Variants in ZNF37A observed in about 807,000 individuals in gnomAD.
The protein encoded by ZNF37A is zinc finger protein 37A.
ZNF37A carries 10 observed loss-of-function variants against 12.3 expected under a neutral mutation model. The observed-to-expected ratio is 0.82, with a 90% CI of 0.50 to 1.38. ZNF37A has a LOEUF of 1.38. ZNF37A is among the 40% of genes most tolerant of loss of function. The probability of loss-of-function intolerance (pLI) is 0.00; values close to 1 mark genes in which losing one functional copy is unlikely to be tolerated. For synonymous variants in ZNF37A, 207 were observed against 223.0 expected (o/e 0.93, Z 0.64); for missense variants, 580 against 651.2 (o/e 0.89, Z 1.19).
chr10:38,101,774 G>A (rs77311986), intron 5 of ZNF37A, among the ~76,000 whole-genome samples: 6,359 of 149,936 alleles, frequency 0.042, 189 homozygotes, highest in Non-Finnish European at 0.061. Context: ...TATATAGTTG[G>A]ATCATATATT....
chr10:38,096,467 G>A lies in ZNF37A; in HGVS notation c.-44-107G>A. 3 of 713,474 alleles carry A rather than the reference G, an allele frequency of 4.2e-6. No homozygotes were observed. In the South Asian group the frequency reaches 5.7e-5, roughly 14 times the overall value. The allele number at this position is 713,474 out of a possible 1,614,324, so 44.2% of individuals were successfully genotyped here. Reference sequence around the variant, plus strand: ...CCAAGCAGTACATAATCATGCCAGAGTCATGCATGGGCGTGTGAGTATCTC... The same window carrying A: ...CCAAGCAGTACATAATCATGCCAGAATCATGCATGGGCGTGTGAGTATCTC... On this transcript the variant is annotated intron_variant, in intron 4 of 7. Coordinates refer to ENST00000685332, the MANE Select transcript of ZNF37A (RefSeq NM_001324250.3).
chr10:38,131,874 A>G (rs1450663911), intron 7 of ZNF37A, among the ~76,000 whole-genome samples: 5 of 152,104 alleles, frequency 3.3e-5, no homozygotes, highest in South Asian at 2.1e-4. Context: ...ATTGCAAAGT[A>G]TTTAATTCTT....
At position 38,095,811 on chromosome 10, in the gene ZNF37A, A is replaced by C. The variant is rs1331198709; in HGVS notation, c.-45+7A>C. 6.6e-6 allele frequency: 1 copy of C among 152,162 alleles called. No individual in the cohort carries two copies. Among genetic ancestry groups the C allele is most frequent in the Non-Finnish European group, 1.5e-5 (1 of 68,040 alleles). 9.4% of individuals were successfully genotyped at this position (152,162 alleles called of 1,614,324 possible). On this transcript the variant is annotated splice_region_variant and intron_variant, in intron 4 of 7. Coordinates refer to ENST00000685332, the MANE Select transcript of ZNF37A (RefSeq NM_001324250.3). ...TTGCTGCGTTGACAACAGAGTAAGT[A>C]AAAATCAGTTTGCTTTTTTAAATCC... is the stretch of plus-strand genomic sequence containing the variant.
At chr10:38,108,665 C>T (rs2068356235) in intron 5 of ZNF37A, among the ~76,000 whole-genome samples, 1 of 152,016 alleles carries the variant, frequency 6.6e-6, no homozygotes, top group African/African-American at 2.4e-5. Context: ...ACCACTGATC[C>T]CACAGAAATA....
At chr10:38,109,654 C>T (rs919153297) in intron 5 of ZNF37A, among the ~76,000 whole-genome samples, 1 of 152,200 alleles carries the variant, frequency 6.6e-6, no homozygotes, top group African/African-American at 2.4e-5. Flanking sequence ...CCTCAGGATA[C>T]AAAATCAACG....
chr10:38,120,032 T>C lies in ZNF37A; in HGVS notation c.*1195T>C, dbSNP rs1454124151. ...AGGACATTCTGCTGTGAGTGACTTA[T>C]TGTACCCAACTCTATTTCTCTCCAT... On this transcript the variant is annotated 3_prime_UTR_variant, in exon 8 of 8. Transcript: ENST00000685332. 1 of 152,256 alleles carries C rather than the reference T, an allele frequency of 6.6e-6. No individual in the cohort carries two copies. The highest frequency in any genetic ancestry group is 2.1e-4 in the South Asian group (1 of 4,834). 9.4% of individuals were successfully genotyped at this position (152,256 alleles called of 1,614,324 possible).
intron 7 of ZNF37A, chr10:38,139,027 G>C (rs1471633990): frequency 1.3e-5 from 2 of 152,180 alleles, no homozygotes; most frequent in African/African-American, 4.8e-5. Flanking sequence ...TGCAGAGGAA[G>C]AGCTACAGGC....
chr10:38,148,046 T>TG (rs2070276621), exon 8 of ZNF37A: 1 of 152,194 alleles, frequency 6.6e-6, no homozygotes, highest in South Asian at 2.1e-4. Context: ...ATCAAGGAGA[T>TG]GCATGCCTGG....
At chr10:38,103,124 T>G (rs2067728639) in intron 5 of ZNF37A, among the ~76,000 whole-genome samples, 1 of 152,150 alleles carries the variant, frequency 6.6e-6, no homozygotes, top group Non-Finnish European at 1.5e-5. Flanking sequence ...TTCAGATATT[T>G]TTTGGTTCCC....
At chr10:38,104,177 C>G (rs187926883) in intron 5 of ZNF37A, among the ~76,000 whole-genome samples, 1 of 152,256 alleles carries the variant, frequency 6.6e-6, no homozygotes, top group Non-Finnish European at 1.5e-5. Flanking sequence ...TCTCATCTGG[C>G]TACTGTGGCC....
intron 7 of ZNF37A, among the ~76,000 whole-genome samples, chr10:38,132,631 C>T (rs2070044163): frequency 6.6e-6 from 1 of 152,030 alleles, no homozygotes; most frequent in East Asian, 1.9e-4. Context: ...GATGATCTTG[C>T]CCTGCTGTAG....
intron 5 of ZNF37A, among the ~76,000 whole-genome samples, chr10:38,111,315 C>G (rs1259509720): frequency 6.6e-6 from 1 of 151,676 alleles, no homozygotes; most frequent in Admixed American, 6.6e-5. Context: ...GGGAACATCT[C>G]ATACCAGGGC....
chr10:38,128,705 C>T (rs948258394), downstream of ZNF37A, among the ~76,000 whole-genome samples: 2 of 152,160 alleles, frequency 1.3e-5, no homozygotes, highest in Non-Finnish European at 2.9e-5. Flanking sequence ...ATAAGTGCCT[C>T]TTCCATCCTG....
chr10:38,121,856 C>G lies in ZNF37A; in HGVS notation c.*3019C>G, dbSNP rs1383141297. ...CAAGTTATTAGTTCCTAAATACTAT[C>G]CACAAAAAAGGGGAACAGGGATGAT... On this transcript the variant is annotated 3_prime_UTR_variant, in exon 8 of 8. Coordinates refer to ENST00000685332, the MANE Select transcript of ZNF37A (RefSeq NM_001324250.3). 6.6e-6 allele frequency: 1 copy of G among 152,010 alleles called. No homozygotes were observed. Among genetic ancestry groups the G allele is most frequent in the Admixed American group, 6.6e-5 (1 of 15,262 alleles). The allele number at this position is 152,010 out of a possible 1,614,324, so 9.4% of individuals were successfully genotyped here.
At chr10:38,116,222 G>T (rs1467462537) in intron 7 of ZNF37A, among the ~76,000 whole-genome samples, 1 of 151,988 alleles carries the variant, frequency 6.6e-6, no homozygotes, top group Non-Finnish European at 1.5e-5. Context: ...ATCTATATAG[G>T]GCACTGAGAG....
rs758692268 is a variant in ZNF37A at position 38,117,974 on chromosome 10, G to A, written c.823G>A (p.Glu275Lys). ...AGGAGAAAAACCTTATGAATGTCAT[G>A]AATGTGGAAAAACCTTCACCCAGAA... The part of the protein sequence containing the change: ...HTGEKPYECH[E>K]CGKTFTQKSA... Residue 275 changes from glutamate (E) to lysine (K), a missense_variant, in exon 8 of 8, where the codon GAA (glutamate) becomes AAA (lysine). Glu to Lys is a moderately conservative substitution (Grantham distance 56). Transcript: ENST00000685332. 6.2e-7 allele frequency: 1 copy of A among 1,613,972 alleles called. No individual in the cohort carries two copies. The highest frequency in any genetic ancestry group is 1.7e-5 in the Admixed American group (1 of 59,996).
chr10:38,098,770 C>G (rs1327388390), intron 5 of ZNF37A, among the ~76,000 whole-genome samples: 1 of 152,164 alleles, frequency 6.6e-6, no homozygotes, highest in Non-Finnish European at 1.5e-5. Flanking sequence ...TGGGTACTTT[C>G]ACACTACGAG....
chr10:38,135,376 C>T (rs1371982578), intron 7 of ZNF37A, among the ~76,000 whole-genome samples: 1 of 152,236 alleles, frequency 6.6e-6, no homozygotes, highest in Non-Finnish European at 1.5e-5. Context: ...CAGAGTGAGA[C>T]TCCGTCTCAA....
chr10:38,101,472 A>G (rs1171186746), intron 5 of ZNF37A, among the ~76,000 whole-genome samples: 3 of 151,834 alleles, frequency 2.0e-5, no homozygotes, highest in Non-Finnish European at 4.4e-5. Context: ...TCATTTTACC[A>G]TACATGCATG....
Sources: gnomAD v4.1 joint callset for allele counts (sites outside exome capture counted in the v4.1 genomes callset) on GRCh38, gnomAD v4.1.1 for gene constraint, MANE v1.5 for transcripts, NCBI Gene and HGNC (gene_info 2026-07-23, HGNC 2026-07-21) for gene names.